Variants in NKTR observed in about 807,000 individuals in gnomAD.
NKTR encodes natural killer cell triggering receptor, also known as NK-tumor recognition protein.
NKTR carries 67 observed loss-of-function variants against 156.3 expected under a neutral mutation model. That is an observed-to-expected ratio of 0.43 (90% CI 0.35 to 0.53). The LOEUF (loss-of-function observed/expected upper bound fraction) is 0.53. NKTR is among the 20% of genes least tolerant of loss of function. The pLI is 0.01. For missense variants in NKTR, 1,604 were observed against 1,730.9 expected, an observed-to-expected ratio of 0.93 and a Z score of 1.30; for synonymous variants, 640 against 596.6, an observed-to-expected ratio of 1.07 and a Z score of -1.06.
chr3:42,608,262 G>T (rs781036555), intron 2 of NKTR, among the ~76,000 whole-genome samples: 2 of 151,830 alleles, frequency 1.3e-5, no homozygotes, highest in Non-Finnish European at 2.9e-5. Flanking sequence ...GAGCCACTGC[G>T]CCTGGCTTCT....
chr3:42,608,349 T>C (rs940732160), intron 2 of NKTR, among the ~76,000 whole-genome samples: 2 of 152,152 alleles, frequency 1.3e-5, no homozygotes, highest in African/African-American at 2.4e-5. Flanking sequence ...AGTAATTTGC[T>C]AGAGCAGCTC....
At chr3:42,617,512 A>G (rs1707492688) in intron 2 of NKTR, 58 bp from the exon 3 acceptor site, 2 of 868,680 alleles carry the variant, frequency 2.3e-6, no homozygotes, top group South Asian at 1.4e-5. Context: ...TCTTTCTCCC[A>G]TTTAAATGTG....
In NKTR at chr3:42,647,303, G is replaced by GTGTGTGTGTGTGTGTGTGGTT; in HGVS notation, c.*1329_*1330insGTGTGTGTGTGTGTGTGGTTT. 1 of 101,244 alleles carries GTGTGTGTGTGTGTGTGTGGTT rather than the reference G, an allele frequency of 9.9e-6. No individual in the cohort carries two copies. Among genetic ancestry groups the GTGTGTGTGTGTGTGTGTGGTT allele is most frequent in the East Asian group, 2.9e-4 (1 of 3,462 alleles). The allele number at this position is 101,244 out of a possible 1,614,324, so 6.3% of individuals were successfully genotyped here. A position where few individuals can be genotyped will look rare whatever the true frequency, so the allele number is the denominator to read the frequency against. Reference sequence around the variant, plus strand: ...GTGTGTGTGTGTGTGTGTGTGTGTGGTTTTTTTTTTTAATCTTTACTTTGA... The same window carrying GTGTGTGTGTGTGTGTGTGGTT: ...GTGTGTGTGTGTGTGTGTGTGTGTGGTGTGTGTGTGTGTGTGTGGTTTTTTTTTTTTTAATCTTTACTTTGA... On this transcript the variant is annotated 3_prime_UTR_variant, in exon 17 of 17. Transcript: ENST00000232978.
chr3:42,639,469 T>C lies in NKTR; in HGVS notation c.3765T>C (p.Pro1255=). ...AAGTTAAGGTGTTGACCACTGTGCC[T>C]GAAATGAAACCACAAGGCTTGAGAA... ...AVEVKVLTTV[P]EMKPQGLRIE... The change falls in exon 13 of 17, where the codon CCT becomes CCC. Residue 1255 remains proline, a synonymous_variant. Transcript: ENST00000232978. 1 of 1,614,194 alleles carries C rather than the reference T, an allele frequency of 6.2e-7. No homozygotes were observed. Among genetic ancestry groups the C allele is most frequent in the South Asian group, 1.1e-5 (1 of 91,086 alleles).
intron 3 of NKTR, among the ~76,000 whole-genome samples, 181 bp from the exon 4 acceptor site, chr3:42,618,839 A>G (rs1446808056): frequency 2.0e-5 from 3 of 151,866 alleles, no homozygotes; most frequent in African/African-American, 4.8e-5. Flanking sequence ...GCTGCTTTGG[A>G]TTATTTATTT....
At chr3:42,629,651 T>C (rs1577523259) in intron 6 of NKTR, 2 of 979,376 alleles carry the variant, frequency 2.0e-6, no homozygotes, top group Non-Finnish European at 2.4e-6. Context: ...TTTCTCATTC[T>C]TATAAATCAA....
intron 2 of NKTR, chr3:42,601,310 T>G: frequency 5.6e-6 from 2 of 354,554 alleles, no homozygotes; most frequent in Non-Finnish European, 1.0e-5. Context: ...TGAGTCCTCG[T>G]AGCCAGCCTG....
intron 6 of NKTR, chr3:42,629,690 AATT>A (rs1708717213): frequency 2.0e-6 from 2 of 979,550 alleles, no homozygotes; most frequent in African/African-American, 3.5e-5. Context: ...TTCTGAGACT[AATT>A]ATCTGCTTTT....
chr3:42,621,297 C>T, intron 5 of NKTR, 132 bp from the exon 6 acceptor site: 3 of 1,332,902 alleles, frequency 2.3e-6, no homozygotes, highest in South Asian at 2.1e-5. Context: ...TTTTTCTTTT[C>T]TGAGTGTTCA....
At position 42,645,876 on chromosome 3, in the gene NKTR, T is replaced by C; in HGVS notation, c.4302-12T>C. 6.3e-7 allele frequency: 1 copy of C among 1,580,902 alleles called. No homozygotes were observed. The highest frequency in any genetic ancestry group is 8.6e-7 in the Non-Finnish European group (1 of 1,157,094). ...TTACAAGATTTTTATATATTTTGTT[T>C]TGTTATTACAGGAGTTGTAGATCTT... is the stretch of plus-strand genomic sequence containing the variant. On this transcript the variant is annotated splice_polypyrimidine_tract_variant and intron_variant, in intron 16 of 16. Transcript: ENST00000232978.
At chr3:42,627,415 G>A (rs1173444129) in intron 6 of NKTR, 13 of 984,888 alleles carry the variant, frequency 1.3e-5, no homozygotes, top group African/African-American at 1.7e-5. Flanking sequence ...TAACTTCAGT[G>A]GCTTGTTTCC....
chr3:42,643,582 A>G, intron 15 of NKTR, 187 bp downstream of exon 15: 1 of 630,764 alleles, frequency 1.6e-6, no homozygotes, highest in East Asian at 2.7e-5. Context: ...TCCAGTGTCA[A>G]AAATGACAAT....
At chr3:42,632,933 A>G in intron 9 of NKTR, 110 bp downstream of exon 9, 1 of 1,322,058 alleles carries the variant, frequency 7.6e-7, no homozygotes, top group Middle Eastern at 2.6e-4. Context: ...GAAAAAGGAT[A>G]GCACTTTTTA....
intron 6 of NKTR, chr3:42,628,367 A>G (rs1370841313): frequency 2.0e-6 from 2 of 985,156 alleles, no homozygotes; most frequent in African/African-American, 3.5e-5. Context: ...ACTAAACTTG[A>G]ATGTCATAAA....
intron 14 of NKTR, 146 bp from the exon 15 acceptor site, chr3:42,643,193 A>G (rs915748592): frequency 1.5e-6 from 1 of 658,986 alleles, no homozygotes; most frequent in Non-Finnish European, 2.7e-6. Flanking sequence ...AAAATCCAAT[A>G]TACTTTTGAT....
At chr3:42,629,395 C>T (rs930962365) in intron 6 of NKTR, 12 of 924,208 alleles carry the variant, frequency 1.3e-5, no homozygotes, top group Non-Finnish European at 1.5e-5. Context: ...CTGTAGTGCT[C>T]TTACAGAACC....
At chr3:42,627,874 T>A (rs1380916994) in intron 6 of NKTR, 1 of 985,174 alleles carries the variant, frequency 1.0e-6, no homozygotes, top group Non-Finnish European at 1.2e-6. Flanking sequence ...GCTTTTAAGA[T>A]CAATGCAATT....
At chr3:42,617,840 G>C (rs927313962) in intron 3 of NKTR, among the ~76,000 whole-genome samples, 196 bp downstream of exon 3, 3 of 151,732 alleles carry the variant, frequency 2.0e-5, no homozygotes, top group African/African-American at 7.3e-5. Context: ...AGAAAGGAAT[G>C]ATCTCAAAAA....
Position 42,638,001 on chromosome 3 carries a change from A to G in NKTR, c.2297A>G (p.Asn766Ser). 1 of 1,614,150 alleles carries G rather than the reference A, an allele frequency of 6.2e-7. No homozygotes were observed. The change falls in exon 13 of 17, where the codon AAT (asparagine) becomes AGT (serine). Residue 766 changes from asparagine to serine, a missense_variant. Transcript: ENST00000232978. ...AGACTTAGATCCAGTGGGAAAAAAA[A>G]TAGCGTTTCACATAAAAAGCATAGC... is the stretch of plus-strand genomic sequence containing the variant. ...KRRLRSSGKK[N>S]SVSHKKHSSS... is the part of the protein sequence containing the mutation.
Sources: allele counts gnomAD v4.1 joint callset (sites outside exome capture counted in the v4.1 genomes callset), GRCh38; gene constraint gnomAD v4.1.1; transcripts MANE v1.5; gene names NCBI Gene and HGNC (gene_info 2026-07-23, HGNC 2026-07-21).